ZNF548: variants seen among roughly 807,000 people sequenced by gnomAD.
The protein encoded by ZNF548 is zinc finger protein 548.
A neutral mutation model predicts 10.2 loss-of-function variants in ZNF548; 10 were observed. That is an observed-to-expected ratio of 0.98 (90% CI 0.60 to 1.66). The LOEUF (loss-of-function observed/expected upper bound fraction) is 1.66, where lower values mean the gene tolerates loss of function less well. Among genes scored for constraint, ZNF548 ranks in the 40% most tolerant of loss-of-function variants. The probability of loss-of-function intolerance (pLI) is 0.00; values close to 1 mark genes in which losing one functional copy is unlikely to be tolerated. For synonymous variants in ZNF548, 217 were observed against 223.5 expected (o/e 0.97, Z 0.26); for missense variants, 599 against 657.0 (o/e 0.91, Z 0.97).
rs373133317 is a variant in ZNF548, at chr19:57,397,039, A to G, written c.52-9A>G. ...GCTGCTTATGTATTCATCTTTCCCAATTTGGCAGGGCCGTGTGGTCTTTGA... is the reference window on the plus strand; with the variant it reads ...GCTGCTTATGTATTCATCTTTCCCAGTTTGGCAGGGCCGTGTGGTCTTTGA... On this transcript the variant is annotated splice_polypyrimidine_tract_variant and intron_variant, in intron 2 of 3. Transcript: ENST00000336128. The G allele has an allele frequency of 2.5e-6, 4 of 1,600,370 alleles. No individual in the cohort carries two copies. The highest frequency in any genetic ancestry group is 2.6e-6 in the Non-Finnish European group (3 of 1,175,792).
In ZNF548 at chr19:57,399,035, G is replaced by C. The variant is rs764867687; in HGVS notation, c.784G>C (p.Glu262Gln). Residue 262 changes from glutamate (E) to glutamine (Q), a missense_variant, in exon 4 of 4, where the codon GAA becomes CAA. Glu to Gln is a conservative substitution (Grantham distance 29). Transcript: ENST00000336128. This position sits in a 1 kb window ranked among gnomAD's most constrained non-coding sequence, Gnocchi z 4.0. Reference sequence around the variant, plus strand: ...GAAACATCAGACAGTTCACACTAGTGAAAGGACTTATGAGTGCAGAGAATG... The same window carrying C: ...GAAACATCAGACAGTTCACACTAGTCAAAGGACTTATGAGTGCAGAGAATG... Reference protein sequence around the residue: ...FMKHQTVHTSERTYECRECGK... With the variant: ...FMKHQTVHTSQRTYECRECGK... 6.2e-7 allele frequency: 1 copy of C among 1,614,236 alleles called. No homozygotes were observed. Among genetic ancestry groups the C allele is most frequent in the South Asian group, 1.1e-5 (1 of 91,088 alleles).
chr19:57,392,954 CAT>C, intron 1 of ZNF548: 1 of 985,744 alleles, frequency 1.0e-6, no homozygotes, highest in Non-Finnish European at 1.2e-6. Context: ...ACTGGGTAAG[CAT>C]ATGGCCTGGG....
At chr19:57,390,329 CAG>C in intron 1 of ZNF548, 1 of 457,454 alleles carries the variant, frequency 2.2e-6, no homozygotes, top group East Asian at 3.3e-5. Context: ...GTTGGGGCGT[CAG>C]GGGTGTGTGT....
At chr19:57,390,410 A>T in intron 1 of ZNF548, 1 of 357,312 alleles carries the variant, frequency 2.8e-6, no homozygotes. Flanking sequence ...GCCAGTAACC[A>T]TGGAAGGTTG....
chr19:57,396,047 T>A (rs1255012897), intron 2 of ZNF548, among the ~76,000 whole-genome samples: 2 of 152,170 alleles, frequency 1.3e-5, no homozygotes, highest in Admixed American at 1.3e-4. Context: ...CACCACCTGG[T>A]TTCCGTGTGC....
chr19:57,396,221 G>A (rs573849647), intron 2 of ZNF548, among the ~76,000 whole-genome samples: 3 of 152,304 alleles, frequency 2.0e-5, no homozygotes, highest in Non-Finnish European at 4.4e-5. Context: ...CCTGGCCCTG[G>A]TAGCTCAAGG....
Position 57,400,028 on chromosome 19 carries a change from A to G in ZNF548, c.*139A>G. 3.0e-6 allele frequency: 2 copies of G among 657,792 alleles called. No individual in the cohort carries two copies. Among genetic ancestry groups the G allele is most frequent in the Middle Eastern group, 4.2e-4 (1 of 2,404 alleles). 40.7% of individuals were successfully genotyped at this position (657,792 alleles called of 1,614,324 possible). ...ATTCCCCTTCCCTACTTCCCCAGAAATGTCTCAACTATATTTCTATACTCT... is the reference window on the plus strand; with the variant it reads ...ATTCCCCTTCCCTACTTCCCCAGAAGTGTCTCAACTATATTTCTATACTCT... On this transcript the variant is annotated 3_prime_UTR_variant, in exon 4 of 4. Coordinates refer to ENST00000336128, the MANE Select transcript of ZNF548 (RefSeq NM_001172773.2).
At position 57,389,872 on chromosome 19, in the gene ZNF548, C is replaced by G; in HGVS notation, c.-228C>G. 1 of 492,082 alleles carries G rather than the reference C, an allele frequency of 2.0e-6. No homozygotes were observed. Among genetic ancestry groups the G allele is most frequent in the Admixed American group, 3.3e-5 (1 of 29,958 alleles). The allele number at this position is 492,082 out of a possible 1,614,324, so 30.5% of individuals were successfully genotyped here. On this transcript the variant is annotated 5_prime_UTR_variant, in exon 1 of 4. Transcript: ENST00000336128. ...GGAGGGCGGGACTTCCGCCGTCCTC[C>G]TGGTGGTGGTCGTTTTGGTTCTGTG... is the stretch of plus-strand genomic sequence containing the variant.
Position 57,399,916 on chromosome 19 carries a change from A to G in ZNF548, c.*27A>G. ...TATTGTAATTGGGTAGTAATGTTAT[A>G]TAAATTCCACATTTTTATGCAACTA... On this transcript the variant is annotated 3_prime_UTR_variant, in exon 4 of 4. Transcript: ENST00000336128. This position sits in a 1 kb window ranked among gnomAD's most constrained non-coding sequence, Gnocchi z 4.0. The G allele has an allele frequency of 2.0e-6, 3 of 1,496,116 alleles. No homozygotes were observed. Among genetic ancestry groups the G allele is most frequent in the South Asian group, 1.3e-5 (1 of 77,728 alleles). 92.7% of individuals were successfully genotyped at this position (1,496,116 alleles called of 1,614,324 possible).
Position 57,399,967 on chromosome 19 carries a change from C to T in ZNF548, c.*78C>T. The T allele has an allele frequency of 1.6e-6, 2 of 1,226,216 alleles. No homozygotes were observed. The highest frequency in any genetic ancestry group is 2.2e-6 in the Non-Finnish European group (2 of 902,188). The allele number at this position is 1,226,216 out of a possible 1,614,324, so 76.0% of individuals were successfully genotyped here. ...ATCTCCAGAACATTTTTCCTCTTAC[C>T]AAGAAGTAAAATGCTGTACCCATTA... is the stretch of plus-strand genomic sequence containing the variant. On this transcript the variant is annotated 3_prime_UTR_variant, in exon 4 of 4. Transcript: ENST00000336128. This position sits in a 1 kb window ranked among gnomAD's most constrained non-coding sequence, Gnocchi z 4.0.
chr19:57,391,366 C>T (rs986102726), intron 1 of ZNF548, among the ~76,000 whole-genome samples: 1 of 150,816 alleles, frequency 6.6e-6, no homozygotes, highest in African/African-American at 2.4e-5. Context: ...TTTACCCAGT[C>T]ATACATTGAT....
intron 2 of ZNF548, among the ~76,000 whole-genome samples, chr19:57,396,709 G>C (rs747622035): frequency 6.6e-6 from 1 of 152,220 alleles, no homozygotes; most frequent in African/African-American, 2.4e-5. Flanking sequence ...TGAGGGGAAA[G>C]TTTAGTTTAG....
rs746399068 is a variant in ZNF548, at chr19:57,398,707, TG to T, written c.459del (p.Lys154ArgfsTer100). 6.2e-7 allele frequency: 1 copy of T among 1,614,082 alleles called. No homozygotes were observed. The highest frequency in any genetic ancestry group is 1.7e-5 in the Admixed American group (1 of 60,026). On this transcript the variant is annotated frameshift_variant, in exon 4 of 4. Transcript: ENST00000336128. LOFTEE classifies it low-confidence loss of function (END_TRUNC). ...GAGGGGATGATTGGATACCTTCATTTGGGAAGAACCACAGAGTTCACATGGC... is the reference window on the plus strand; with the variant it reads ...GAGGGGATGATTGGATACCTTCATTTGGAAGAACCACAGAGTTCACATGGC... Reference protein sequence around the residue: ...SRGDDWIPSFGKNHRVHMAEE... With the variant: ...SRGDDWIPSFXKNHRVHMAEE...
At position 57,401,084 on chromosome 19, in the gene ZNF548, C is replaced by A. The variant is rs1347169361; in HGVS notation, c.*1195C>A. On this transcript the variant is annotated 3_prime_UTR_variant, in exon 4 of 4. Transcript: ENST00000336128. ...TGCTTTTTGTTGTTGAGTTGTAGTT[C>A]TTTATACATTCTGGATATTAACTCC... 6.6e-6 allele frequency: 1 copy of A among 151,798 alleles called. No homozygotes were observed. Among genetic ancestry groups the A allele is most frequent in the Non-Finnish European group, 1.5e-5 (1 of 67,962 alleles). The allele number at this position is 151,798 out of a possible 1,614,324, so 9.4% of individuals were successfully genotyped here.
At chr19:57,396,919 G>T (rs571010952) in intron 2 of ZNF548, 129 bp from the exon 3 acceptor site, 2 of 1,354,788 alleles carry the variant, frequency 1.5e-6, no homozygotes, top group Non-Finnish European at 2.0e-6. Context: ...TAGGGGAGAT[G>T]GAAACACATT....
In ZNF548 at chr19:57,390,069, T is replaced by C. The variant is rs1225797893; in HGVS notation, c.-31T>C. 3 of 1,608,094 alleles carry C rather than the reference T, an allele frequency of 1.9e-6. No homozygotes were observed. The highest frequency in any genetic ancestry group is 3.3e-5 in the Admixed American group (2 of 59,938). On this transcript the variant is annotated 5_prime_UTR_variant, in exon 1 of 4. Transcript: ENST00000336128. ...TGCCTTTGTCGCTCCCGCCCCGCTC[T>C]TCCCTGGCTGGGCTGGCGGAGGCCT... is the stretch of plus-strand genomic sequence containing the variant.
intron 1 of ZNF548, 112 bp from the exon 2 acceptor site, chr19:57,394,076 A>G: frequency 8.5e-7 from 1 of 1,178,780 alleles, no homozygotes; most frequent in Admixed American, 2.0e-5. Flanking sequence ...AACTTTATTC[A>G]ATGAATTGAG....
chr19:57,396,051 C>T (rs1008653482), intron 2 of ZNF548, among the ~76,000 whole-genome samples: 4 of 152,112 alleles, frequency 2.6e-5, no homozygotes, highest in Admixed American at 6.5e-5. Context: ...ACCTGGTTTC[C>T]GTGTGCAGAG....
rs766777555 is a variant in ZNF548, at chr19:57,399,370, A to G, written c.1119A>G (p.Gly373=). Residue 373 remains glycine, a synonymous_variant, in exon 4 of 4, where the codon GGA becomes GGG. Transcript: ENST00000336128. This position sits in a 1 kb window ranked among gnomAD's most constrained non-coding sequence, Gnocchi z 4.0. Reference sequence around the variant, plus strand: ...TTAGACATCAGAGAATTCACACTGGAGAAAGGCCTTATGAGTGCAGTGTAT... The same window carrying G: ...TTAGACATCAGAGAATTCACACTGGGGAAAGGCCTTATGAGTGCAGTGTAT... The part of the protein sequence containing the change: ...TLIRHQRIHT[G]ERPYECSVCG... 5 of 1,614,048 alleles carry G rather than the reference A, an allele frequency of 3.1e-6. No homozygotes were observed. In the African/African-American group the frequency reaches 6.7e-5, roughly 22 times the overall value.
Sources: gnomAD v4.1 joint callset for allele counts (sites outside exome capture counted in the v4.1 genomes callset) on GRCh38, gnomAD v4.1.1 for gene constraint, Gnocchi (gnomAD v3.1) non-coding constraint, MANE v1.5 for transcripts, NCBI Gene and HGNC (gene_info 2026-07-23, HGNC 2026-07-21) for gene names.